Variants in RGS20 observed in about 807,000 individuals in gnomAD.
RGS20 encodes regulator of G protein signaling 20.
A neutral mutation model predicts 33.6 loss-of-function variants in RGS20; 30 were observed. That is an observed-to-expected ratio of 0.89 (90% CI 0.67 to 1.21). The LOEUF (loss-of-function observed/expected upper bound fraction) is 1.21. Ranked by LOEUF, RGS20 falls within the 50% of genes most tolerant of loss-of-function variation. The pLI, the probability that RGS20 is intolerant of heterozygous loss-of-function variation, is 0.00. For missense variants in RGS20, 472 were observed against 502.4 expected, an observed-to-expected ratio of 0.94 and a Z score of 0.58; for synonymous variants, 208 against 197.9, an observed-to-expected ratio of 1.05 and a Z score of -0.43.
At chr8:53,866,564 T>C (rs1390171414) in intron 1 of RGS20, among the ~76,000 whole-genome samples, 1 of 152,100 alleles carries the variant, frequency 6.6e-6, no homozygotes, top group Non-Finnish European at 1.5e-5. Flanking sequence ...GTATTTTTAG[T>C]AGAGACGGGG....
At chr8:53,936,051 T>C (rs1585938982) in intron 2 of RGS20, among the ~76,000 whole-genome samples, 1 of 152,138 alleles carries the variant, frequency 6.6e-6, no homozygotes, top group East Asian at 1.9e-4. Flanking sequence ...TTCAACACCC[T>C]TTCATGCTAA....
chr8:53,879,140 C>A, intron 1 of RGS20: 1 of 781,432 alleles, frequency 1.3e-6, no homozygotes, highest in Non-Finnish European at 2.1e-6. Flanking sequence ...CTGCTTTCAC[C>A]GACCTTCTCT....
At chr8:53,857,239 G>A (rs1169477685) in intron 1 of RGS20, among the ~76,000 whole-genome samples, 1 of 152,256 alleles carries the variant, frequency 6.6e-6, no homozygotes, top group East Asian at 1.9e-4. Context: ...GCCGTGGCTA[G>A]CATGCACATG....
chr8:53,939,726 T>A lies in RGS20; in HGVS notation c.659+2T>A. On this transcript the variant is annotated splice_donor_variant, in intron 3 of 5. Coordinates refer to ENST00000297313, the MANE Select transcript of RGS20 (RefSeq NM_170587.4). LOFTEE classifies it high-confidence loss of function. ...GTGCTGCTGTTGTAGCTGCTCGTGG[T>A]AAGGTTTGGGGCTTTTTAATGAATG... The A allele has an allele frequency of 3.9e-6, 6 of 1,552,114 alleles. No individual in the cohort carries two copies. Among genetic ancestry groups the A allele is most frequent in the Non-Finnish European group, 5.2e-6 (6 of 1,147,148 alleles).
intron 2 of RGS20, among the ~76,000 whole-genome samples, chr8:53,891,447 C>T (rs1812706747): frequency 6.6e-6 from 1 of 152,108 alleles, no homozygotes; most frequent in Non-Finnish European, 1.5e-5. Flanking sequence ...AGCAAAACCT[C>T]ATCTCTACTA....
intron 2 of RGS20, among the ~76,000 whole-genome samples, chr8:53,908,866 A>C (rs1176538066): frequency 6.6e-6 from 1 of 152,104 alleles, no homozygotes; most frequent in Non-Finnish European, 1.5e-5. Context: ...GCAGCATTCA[A>C]AATCATATAT....
At chr8:53,925,572 G>A (rs1049729884) in intron 2 of RGS20, among the ~76,000 whole-genome samples, 1 of 151,968 alleles carries the variant, frequency 6.6e-6, no homozygotes, top group Non-Finnish European at 1.5e-5. Flanking sequence ...CAGGTCAGGA[G>A]TAAAAATACA....
chr8:53,893,351 T>C lies in RGS20; in HGVS notation c.510+13749T>C, dbSNP rs1341057119. Among the ~76,000 whole-genome samples, 3 of 152,164 alleles carry C rather than the reference T, an allele frequency of 2.0e-5. No homozygotes were observed. In the South Asian group the frequency reaches 6.2e-4, roughly 31 times the overall value. On this transcript the variant is annotated intron_variant, in intron 2 of 5. Coordinates refer to ENST00000297313, the MANE Select transcript of RGS20 (RefSeq NM_170587.4). ...ATACTATATTAATATATAGAAATAG[T>C]TAGATTCTACTCTAAAGCTGAGATG... is the stretch of plus-strand genomic sequence containing the variant.
chr8:53,906,077 C>T (rs59456197), intron 2 of RGS20, among the ~76,000 whole-genome samples: 1,976 of 152,248 alleles, frequency 0.013, 45 homozygotes, highest in African/African-American at 0.044. Flanking sequence ...CACAAGTGAA[C>T]ATCCAACTTT....
chr8:53,898,274 C>T (rs1165573688), intron 2 of RGS20, among the ~76,000 whole-genome samples: 2 of 152,076 alleles, frequency 1.3e-5, no homozygotes, highest in African/African-American at 4.8e-5. Context: ...CAGAGGATAC[C>T]AGATGTTACC....
At position 53,879,579 on chromosome 8, in the gene RGS20, G is replaced by C. The variant is rs1812298545; in HGVS notation, c.487G>C (p.Ala163Pro). 1 of 1,525,138 alleles carries C rather than the reference G, an allele frequency of 6.6e-7. No homozygotes were observed. Among genetic ancestry groups the C allele is most frequent in the Non-Finnish European group, 8.8e-7 (1 of 1,137,960 alleles). 94.5% of individuals were successfully genotyped at this position (1,525,138 alleles called of 1,614,324 possible). A position where few individuals can be genotyped will look rare whatever the true frequency, so the allele number is the denominator to read the frequency against. Reference sequence around the variant, plus strand: ...CAAGCCCAGGGAAGAAGACGCCACCGCTGGGCAGAGCTCGCCTATGCCGGT... The same window carrying C: ...CAAGCCCAGGGAAGAAGACGCCACCCCTGGGCAGAGCTCGCCTATGCCGGT... Residue 163 changes from alanine to proline, a missense_variant, in exon 2 of 6, where the codon GCT becomes CCT. Coordinates refer to ENST00000297313, the MANE Select transcript of RGS20 (RefSeq NM_170587.4).
At chr8:53,936,217 C>G (rs907219170) in intron 2 of RGS20, among the ~76,000 whole-genome samples, 12 of 152,128 alleles carry the variant, frequency 7.9e-5, no homozygotes, top group Non-Finnish European at 1.5e-5. Context: ...CTTACCACTC[C>G]TATTCAACAT....
At chr8:53,871,697 T>C (rs1812073393) in intron 1 of RGS20, among the ~76,000 whole-genome samples, 2 of 152,148 alleles carry the variant, frequency 1.3e-5, no homozygotes, top group African/African-American at 4.8e-5. Context: ...TAAATAACAC[T>C]AGAGGACAGA....
chr8:53,883,900 G>A (rs112457308), intron 2 of RGS20, among the ~76,000 whole-genome samples: 2,932 of 151,642 alleles, frequency 0.019, 89 homozygotes, highest in African/African-American at 0.067. Flanking sequence ...GAGCCGAGAT[G>A]GAGCCACTGC....
rs143962848 is a variant in RGS20, at chr8:53,884,541, T to C, written c.510+4939T>C. 9.9e-5 allele frequency among the ~76,000 whole-genome samples: 15 copies of C among 152,216 alleles called. No individual in the cohort carries two copies. The East Asian group carries it at 2.9e-3, about 29-fold the overall frequency. On this transcript the variant is annotated intron_variant, in intron 2 of 5. Transcript: ENST00000297313. ...AAAATACAGAATGATGAAAATCAGG[T>C]TACTTATTCTACCTCCTTCGTTTTA...
chr8:53,899,905 G>C (rs1191288893), intron 2 of RGS20, among the ~76,000 whole-genome samples: 1 of 152,162 alleles, frequency 6.6e-6, no homozygotes, highest in Non-Finnish European at 1.5e-5. Context: ...GCCCTCAGCA[G>C]ACCTCCTGGT....
intron 2 of RGS20, among the ~76,000 whole-genome samples, chr8:53,924,498 A>AT (rs1813740675): frequency 6.6e-6 from 1 of 151,440 alleles, no homozygotes. Context: ...TAGTTTTTTA[A>AT]TTTTTTTGTA....
intron 3 of RGS20, among the ~76,000 whole-genome samples, chr8:53,942,292 A>T (rs1814321740): frequency 6.6e-6 from 1 of 151,796 alleles, no homozygotes; most frequent in African/African-American, 2.4e-5. Flanking sequence ...AAATAAATAA[A>T]AAATAAAACA....
At chr8:53,893,533 G>A (rs1474727110) in intron 2 of RGS20, among the ~76,000 whole-genome samples, 1 of 152,140 alleles carries the variant, frequency 6.6e-6, no homozygotes, top group East Asian at 1.9e-4. Context: ...TTTGATGACA[G>A]CCAGCTTCAG....
Sources: allele counts gnomAD v4.1 joint callset (sites outside exome capture counted in the v4.1 genomes callset), GRCh38; gene constraint gnomAD v4.1.1; transcripts MANE v1.5; gene names NCBI Gene and HGNC (gene_info 2026-07-23, HGNC 2026-07-21).